Variants in KDM1B observed in about 807,000 individuals in gnomAD.
KDM1B encodes the protein lysine-specific histone demethylase 2.
KDM1B carries 63 observed loss-of-function variants against 107.4 expected under a neutral mutation model. The ratio of observed to expected loss-of-function variants is 0.59; its 90% CI spans 0.48 to 0.72. The LOEUF (loss-of-function observed/expected upper bound fraction) is 0.72, where lower values mean the gene tolerates loss of function less well. Among genes scored for constraint, KDM1B ranks in the 30% least tolerant of loss-of-function variants. The pLI is 0.00. For synonymous variants in KDM1B, 363 were observed against 363.9 expected, an observed-to-expected ratio of 1.00 and a Z score of 0.03; for missense variants, 749 against 1,020.8, an observed-to-expected ratio of 0.73 and a Z score of 3.63.
chr6:18,198,259 C>T (rs547159969), intron 12 of KDM1B, among the ~76,000 whole-genome samples: 11 of 151,716 alleles, frequency 7.3e-5, no homozygotes, highest in Admixed American at 2.0e-4. Context: ...AGCCCGTTTC[C>T]GCAGTAGTTT....
rs149857341 is a variant in KDM1B at position 18,201,179 on chromosome 6, CAG to C, written c.1360-305_1360-304del. On this transcript the variant is annotated intron_variant, in intron 13 of 21. Transcript: ENST00000650836. The surrounding 1 kb of genome is among the most constrained non-coding windows in gnomAD (Gnocchi z 4.3). The stretch of plus-strand genomic sequence containing the variant: ...TTTACATGAGGGTCCACAGAGGAGA[CAG>C]AATGTTTGAGCAAGGACAGGCAGTG... 1.7e-3 allele frequency among the ~76,000 whole-genome samples: 255 copies of C among 152,220 alleles called. 5 individuals are homozygous for C. The East Asian group carries it at 0.035, about 21-fold the overall frequency.
rs942800726 is a variant in KDM1B, at chr6:18,209,053, T to C, written c.1866+847T>C. Among the ~76,000 whole-genome samples the C allele has an allele frequency of 1.3e-5, 2 of 152,164 alleles. No individual in the cohort carries two copies. The highest frequency in any genetic ancestry group is 4.8e-5 in the African/African-American group (2 of 41,420). On this transcript the variant is annotated intron_variant, in intron 17 of 21. Coordinates refer to ENST00000650836, the MANE Select transcript of KDM1B (RefSeq NM_001364614.2). This position sits in a 1 kb window ranked among gnomAD's most constrained non-coding sequence, Gnocchi z 4.3. ...CACATTTTTTTAAACCACGGAATCC[T>C]TCTTCAGATCAGGAAAGTTCTGTTT...
chr6:18,184,376 G>A (rs1417659834), intron 7 of KDM1B, among the ~76,000 whole-genome samples: 1 of 148,742 alleles, frequency 6.7e-6, no homozygotes, highest in African/African-American at 2.5e-5. Flanking sequence ...CCAGGTTCAA[G>A]TGATTCTCCT....
Position 18,205,582 on chromosome 6 carries a change from T to C in KDM1B, c.1577T>C (p.Ile526Thr). ...AAGGCATTTATTAAGGAATCTGGTA[T>C]CCAATTCAGTGAGCTGGAGGGACAG... ...IYKAFIKESG[I>T]QFSELEGQVL... Residue 526 changes from isoleucine (I) to threonine (T), a missense_variant, in exon 15 of 22, where the codon ATC becomes ACC. Ile to Thr is a moderately conservative substitution (Grantham distance 89, BLOSUM62 -1). Transcript: ENST00000650836. This position sits in a 1 kb window ranked among gnomAD's most constrained non-coding sequence, Gnocchi z 5.7. The C allele has an allele frequency of 3.2e-6, 5 of 1,546,986 alleles. No individual in the cohort carries two copies. Among genetic ancestry groups the C allele is most frequent in the Non-Finnish European group, 4.4e-6 (5 of 1,145,060 alleles).
chr6:18,220,853 C>A (rs1297885677), intron 21 of KDM1B, among the ~76,000 whole-genome samples: 1 of 151,432 alleles, frequency 6.6e-6, no homozygotes, highest in African/African-American at 2.4e-5. Context: ...CTCACTGCAA[C>A]CTCCGCCACC....
At position 18,171,437 on chromosome 6, in the gene KDM1B, C is replaced by T. The variant is rs748408188; in HGVS notation, c.492C>T (p.Ala164=). Residue 164 remains alanine, a synonymous_variant, in exon 7 of 22, where the codon GCC becomes GCT. Coordinates refer to ENST00000650836, the MANE Select transcript of KDM1B (RefSeq NM_001364614.2). ...AAATCCAGCTTACTCCACAGATAGC[C>T]AAGACTTATCGATGCGGTATGAAAC... is the stretch of plus-strand genomic sequence containing the variant. ...TKEIQLTPQI[A]KTYRCGMKPN... 1 of 1,613,124 alleles carries T rather than the reference C, an allele frequency of 6.2e-7. No homozygotes were observed. Among genetic ancestry groups the T allele is most frequent in the South Asian group, 1.1e-5 (1 of 91,068 alleles).
At chr6:18,194,877 C>T (rs1787541394) in intron 10 of KDM1B, among the ~76,000 whole-genome samples, 2 of 152,278 alleles carry the variant, frequency 1.3e-5, no homozygotes, top group African/African-American at 4.8e-5. Context: ...ACCATCACCA[C>T]TATCTAGTTC....
At chr6:18,221,815 T>C in intron 21 of KDM1B, 94 bp from the exon 22 acceptor site, 1 of 1,002,626 alleles carries the variant, frequency 1.0e-6, no homozygotes, top group Non-Finnish European at 1.5e-6. Context: ...GCACAAATCT[T>C]TATGTTAGAC....
rs66697834 is a variant in KDM1B, at chr6:18,187,027, A to AT, written c.574-755dup. ...TTTTTTTCCAGGCTCCAGAATAGAC[A>AT]TTTTTTTTTTCCCCGAATTCCTGGA... On this transcript the variant is annotated intron_variant, in intron 8 of 21. Coordinates refer to ENST00000650836, the MANE Select transcript of KDM1B (RefSeq NM_001364614.2). Among the ~76,000 whole-genome samples the AT allele has an allele frequency of 7.4e-5, 11 of 149,234 alleles. No individual in the cohort carries two copies. In the South Asian group the frequency reaches 1.5e-3, roughly 20 times the overall value.
intron 12 of KDM1B, among the ~76,000 whole-genome samples, chr6:18,199,165 T>C: frequency 6.6e-6 from 1 of 151,998 alleles, no homozygotes; most frequent in Non-Finnish European, 1.5e-5. Context: ...GCCACCGCAC[T>C]CCAGTCTGGG....
rs907774376 is a variant in KDM1B at position 18,205,181 on chromosome 6, A to C, written c.1532-356A>C. 1.3e-5 allele frequency among the ~76,000 whole-genome samples: 2 copies of C among 152,168 alleles called. No homozygotes were observed. The highest frequency in any genetic ancestry group is 4.8e-5 in the African/African-American group (2 of 41,428). ...TGGTAACTTCTGTGTGTGTGCATGT[A>C]CATCTATGTGTGGGGACAGTTTTTC... On this transcript the variant is annotated intron_variant, in intron 14 of 21. Transcript: ENST00000650836. This position sits in a 1 kb window ranked among gnomAD's most constrained non-coding sequence, Gnocchi z 5.7.
In KDM1B at chr6:18,209,015, A is replaced by G. The variant is rs1039976860; in HGVS notation, c.1866+809A>G. 6.6e-6 allele frequency among the ~76,000 whole-genome samples: 1 copy of G among 152,062 alleles called. No individual in the cohort carries two copies. Among genetic ancestry groups the G allele is most frequent in the Admixed American group, 6.6e-5 (1 of 15,254 alleles). On this transcript the variant is annotated intron_variant, in intron 17 of 21. Coordinates refer to ENST00000650836, the MANE Select transcript of KDM1B (RefSeq NM_001364614.2). This position sits in a 1 kb window ranked among gnomAD's most constrained non-coding sequence, Gnocchi z 4.3. ...CATTAAAGAAATCTATTTTACTTTT[A>G]TTCTGTGCTCTCCACATTTTTTTAA...
intron 4 of KDM1B, among the ~76,000 whole-genome samples, chr6:18,161,903 A>G (rs1231427283): frequency 6.6e-6 from 1 of 150,578 alleles, no homozygotes; most frequent in South Asian, 2.1e-4. Context: ...CAGCCTTGCC[A>G]TTTTTATTGT....
At chr6:18,220,652 A>G (rs528632134) in intron 21 of KDM1B, among the ~76,000 whole-genome samples, 1 of 152,376 alleles carries the variant, frequency 6.6e-6, no homozygotes, top group South Asian at 2.1e-4. Flanking sequence ...ATGCCAGACA[A>G]CAAATGTCAG....
At chr6:18,195,627 T>C (rs1561936511) in intron 10 of KDM1B, among the ~76,000 whole-genome samples, 1 of 150,336 alleles carries the variant, frequency 6.7e-6, no homozygotes, top group African/African-American at 2.5e-5. Context: ...CCCAGCTACT[T>C]GGGAGGCTGA....
At chr6:18,164,424 A>G (rs1156328267) in intron 5 of KDM1B, among the ~76,000 whole-genome samples, 1 of 151,864 alleles carries the variant, frequency 6.6e-6, no homozygotes, top group Non-Finnish European at 1.5e-5. Flanking sequence ...TGGTAGCTCG[A>G]GCCACCACGC....
rs1346234032 is a variant in KDM1B, at chr6:18,190,428, TAAA to T, written c.785-766_785-764del. On this transcript the variant is annotated intron_variant, in intron 9 of 21. Coordinates refer to ENST00000650836, the MANE Select transcript of KDM1B (RefSeq NM_001364614.2). ...TAACACAGTAAAACCCCGTCTCTACTAAAAATACAAAAAAAAAAAAAAAATTAG... is the reference window on the plus strand; with the variant it reads ...TAACACAGTAAAACCCCGTCTCTACTAATACAAAAAAAAAAAAAAAATTAG... Among the ~76,000 whole-genome samples, 3 of 109,704 alleles carry T rather than the reference TAAA, an allele frequency of 2.7e-5. No individual in the cohort carries two copies. The Admixed American group carries it at 2.9e-4, about 11-fold the overall frequency. The allele number at this position is 109,704 out of a possible 152,430, so 72.0% of individuals were successfully genotyped here.
At chr6:18,157,151 A>G (rs1471107001) in intron 2 of KDM1B, among the ~76,000 whole-genome samples, 2 of 152,198 alleles carry the variant, frequency 1.3e-5, no homozygotes, top group African/African-American at 4.8e-5. Context: ...TATTAATTTG[A>G]AAAATCAAGA....
chr6:18,164,578 A>T (rs531092265), intron 5 of KDM1B, among the ~76,000 whole-genome samples: 89 of 152,254 alleles, frequency 5.8e-4, no homozygotes, highest in Non-Finnish European at 9.6e-4. Flanking sequence ...TGGCTGCCTC[A>T]GCTTTTTTAA....
Sources: allele counts gnomAD v4.1 joint callset (sites outside exome capture counted in the v4.1 genomes callset), GRCh38; gene constraint gnomAD v4.1.1; non-coding constraint Gnocchi (gnomAD v3.1); transcripts MANE v1.5; gene names NCBI Gene and HGNC (gene_info 2026-07-23, HGNC 2026-07-21).